The following IGF2BP2 variants were observed in gnomAD, a reference collection of about 807,000 sequenced individuals.
The protein encoded by IGF2BP2 is insulin-like growth factor 2 mRNA-binding protein 2.
Under a neutral mutation model 75.8 loss-of-function variants are expected in IGF2BP2, and 17 were observed. The observed-to-expected ratio is 0.22, with a 90% CI of 0.15 to 0.34. IGF2BP2 has a LOEUF of 0.34. Among genes scored for constraint, IGF2BP2 ranks in the 10% least tolerant of loss-of-function variants. The pLI, the probability that IGF2BP2 is intolerant of heterozygous loss-of-function variation, is 1.00. For missense variants in IGF2BP2, 516 were observed against 772.4 expected (o/e 0.67, Z 3.93); for synonymous variants, 288 against 295.6 (o/e 0.97, Z 0.26).
At chr3:185,676,977 C>T (rs1433475314) in intron 7 of IGF2BP2, among the ~76,000 whole-genome samples, 7 of 119,834 alleles carry the variant, frequency 5.8e-5, no homozygotes, top group African/African-American at 1.6e-4. Flanking sequence ...TATGGAGATA[C>T]ATATATATGG....
At position 185,687,085 on chromosome 3, in the gene IGF2BP2, T is replaced by C; in HGVS notation, c.784A>G (p.Met262Val). 6.2e-7 allele frequency: 1 copy of C among 1,613,508 alleles called. No individual in the cohort carries two copies. The highest frequency in any genetic ancestry group is 8.5e-7 in the Non-Finnish European group (1 of 1,179,908). The change falls in exon 7 of 16, where the codon ATG (methionine) becomes GTG (valine). Residue 262 changes from methionine to valine, a missense_variant. Physicochemically the swap from Met to Val is conservative, Grantham distance 21. Around this residue, in one of 3 missense-constraint regions of IGF2BP2, gnomAD observed 312 missense variants for 474.5 expected, o/e 0.66. Coordinates refer to ENST00000382199, the MANE Select transcript of IGF2BP2 (RefSeq NM_006548.6). ...SEACRMILEIMQKEADETKLA... is the reference protein window; with the variant it reads ...SEACRMILEIVQKEADETKLA... ...TTGGTCTCATCTGCCTCTTTCTGCA[T>C]GATTTCAAGAATCATGCGGCATGCT...
intron 2 of IGF2BP2, among the ~76,000 whole-genome samples, chr3:185,791,390 G>A (rs905779043): frequency 7.2e-5 from 11 of 152,210 alleles, no homozygotes; most frequent in Non-Finnish European, 1.6e-4. Context: ...AGGAGCTTGC[G>A]CCCAGCCTGT....
intron 2 of IGF2BP2, among the ~76,000 whole-genome samples, chr3:185,733,475 G>A (rs1728447017): frequency 6.6e-6 from 1 of 152,224 alleles, no homozygotes; most frequent in Admixed American, 6.5e-5. Flanking sequence ...ATCAGAGCCA[G>A]ACTGGGCGCG....
At position 185,679,418 on chromosome 3, in the gene IGF2BP2, T is replaced by TA. The variant is rs1720040343; in HGVS notation, c.813-3506dup. Among the ~76,000 whole-genome samples, 4 of 151,560 alleles carry TA rather than the reference T, an allele frequency of 2.6e-5. No homozygotes were observed. In the South Asian group the frequency reaches 8.3e-4, roughly 31 times the overall value. On this transcript the variant is annotated intron_variant, in intron 7 of 15. Transcript: ENST00000382199. ...CCCAAATATCACAAATTAACATCTT[T>TA]ATATGTTTTTATACCCATTAACATA...
chr3:185,670,897 A>T (rs1718403894), intron 10 of IGF2BP2, among the ~76,000 whole-genome samples: 3 of 152,138 alleles, frequency 2.0e-5, no homozygotes. Flanking sequence ...AATTGGTCTA[A>T]TTTATTATGC....
At chr3:185,668,952 T>C (rs913867752) in intron 10 of IGF2BP2, among the ~76,000 whole-genome samples, 23 of 152,116 alleles carry the variant, frequency 1.5e-4, no homozygotes, top group Non-Finnish European at 2.9e-5. Flanking sequence ...GAAATTCAAA[T>C]GCACGCAGTC....
At chr3:185,809,157 C>T in intron 2 of IGF2BP2, among the ~76,000 whole-genome samples, 2 of 149,386 alleles carry the variant, frequency 1.3e-5, no homozygotes, top group Non-Finnish European at 1.5e-5. Flanking sequence ...TCTGTGATTC[C>T]CAGTAAATTT....
intron 2 of IGF2BP2, among the ~76,000 whole-genome samples, chr3:185,730,304 T>G (rs571797881): frequency 6.6e-6 from 1 of 152,250 alleles, no homozygotes; most frequent in South Asian, 2.1e-4. Flanking sequence ...TATGGCTGCA[T>G]AGTATTCCGT....
intron 10 of IGF2BP2, among the ~76,000 whole-genome samples, chr3:185,663,586 A>C (rs1309443053): frequency 1.3e-5 from 2 of 152,184 alleles, no homozygotes; most frequent in South Asian, 2.1e-4. Context: ...CATCTGATAC[A>C]CAATTTAGGT....
At chr3:185,752,470 G>C (rs568285911) in intron 2 of IGF2BP2, among the ~76,000 whole-genome samples, 2 of 152,264 alleles carry the variant, frequency 1.3e-5, no homozygotes, top group Non-Finnish European at 2.9e-5. Flanking sequence ...CTCCAATACA[G>C]CTGAAACATT....
intron 2 of IGF2BP2, among the ~76,000 whole-genome samples, chr3:185,739,026 T>C (rs1428402131): frequency 2.0e-5 from 3 of 152,254 alleles, no homozygotes; most frequent in African/African-American, 7.2e-5. Flanking sequence ...AAATGATTAA[T>C]GACATCAGAT....
intron 10 of IGF2BP2, among the ~76,000 whole-genome samples, chr3:185,667,894 T>G (rs1003299602): frequency 6.6e-6 from 1 of 152,254 alleles, no homozygotes; most frequent in Non-Finnish European, 1.5e-5. Flanking sequence ...TTTGTGTTTC[T>G]GTGTCTGCAT....
At chr3:185,800,919 A>G (rs1738157863) in intron 2 of IGF2BP2, among the ~76,000 whole-genome samples, 1 of 152,024 alleles carries the variant, frequency 6.6e-6, no homozygotes, top group Non-Finnish European at 1.5e-5. Context: ...CAGAGTGAAC[A>G]GGCAATCTAC....
At chr3:185,822,529 GTATT>G (rs1186998044) in intron 2 of IGF2BP2, among the ~76,000 whole-genome samples, 4 of 152,148 alleles carry the variant, frequency 2.6e-5, no homozygotes, top group South Asian at 2.1e-4. Context: ...TTTCACAAGG[GTATT>G]TATTTTAGCC....
At chr3:185,795,755 C>A (rs1298002006) in intron 2 of IGF2BP2, among the ~76,000 whole-genome samples, 3 of 152,024 alleles carry the variant, frequency 2.0e-5, no homozygotes, top group Non-Finnish European at 4.4e-5. Flanking sequence ...GTGGCGCAGT[C>A]CCAGCCTGTA....
In IGF2BP2 at chr3:185,643,779, C is replaced by CTTTTTTT. The variant is rs933340628; in HGVS notation, c.*1745_*1751dup. 2.9e-4 allele frequency: 32 copies of CTTTTTTT among 111,966 alleles called. 1 individual carries two copies. Among genetic ancestry groups the CTTTTTTT allele is most frequent in the East Asian group, 5.2e-4 (2 of 3,880 alleles). 6.9% of individuals were successfully genotyped at this position (111,966 alleles called of 1,614,324 possible). On this transcript the variant is annotated 3_prime_UTR_variant, in exon 16 of 16. Transcript: ENST00000382199. ...ATATTTCTGTTTTTTCTTTTTTTTT[C>CTTTTTTT]TTTTTTTTTTTTTTTTTTTTGTCAC...
At chr3:185,751,238 T>C (rs1476426055) in intron 2 of IGF2BP2, among the ~76,000 whole-genome samples, 1 of 152,062 alleles carries the variant, frequency 6.6e-6, no homozygotes, top group African/African-American at 2.4e-5. Context: ...AATTAGAAAA[T>C]TAAGATATTA....
At chr3:185,649,369 C>T (rs1714169252) in intron 14 of IGF2BP2, 34 bp downstream of exon 14, 1 of 1,609,258 alleles carries the variant, frequency 6.2e-7, no homozygotes, top group African/African-American at 1.3e-5. Context: ...GGGAATCTGA[C>T]CCAGGTGATG....
intron 2 of IGF2BP2, among the ~76,000 whole-genome samples, chr3:185,786,981 A>G (rs999541932): frequency 6.6e-6 from 1 of 152,108 alleles, no homozygotes; most frequent in Non-Finnish European, 1.5e-5. Context: ...TAGTTCAAGG[A>G]CCCCACCAAA....
Sources: gnomAD v4.1 joint callset for allele counts (sites outside exome capture counted in the v4.1 genomes callset) on GRCh38, gnomAD v4.1.1 for gene constraint, gnomAD v4.1.1 regional missense constraint, MANE v1.5 for transcripts, NCBI Gene and HGNC (gene_info 2026-07-23, HGNC 2026-07-21) for gene names.